SMARCA2: variants seen among roughly 807,000 people sequenced by gnomAD.
SMARCA2 encodes SWI/SNF-related matrix-associated actin-dependent regulator of chromatin subfamily A member 2.
A neutral mutation model predicts 199.8 loss-of-function variants in SMARCA2; 61 were observed. The ratio of observed to expected loss-of-function variants is 0.31; its 90% CI spans 0.25 to 0.38. The LOEUF (loss-of-function observed/expected upper bound fraction) is 0.38, where lower values mean the gene tolerates loss of function less well. Ranked by LOEUF, SMARCA2 falls within the 10% of genes least tolerant of loss-of-function variation. The probability of loss-of-function intolerance (pLI) is 1.00; values close to 1 mark genes in which losing one functional copy is unlikely to be tolerated. For synonymous variants in SMARCA2, 935 were observed against 732.0 expected (o/e 1.28, Z -4.48); for missense variants, 1,344 against 2,012.2 (o/e 0.67, Z 6.35).
chr9:2,074,903 G>T (rs1047419078), intron 12 of SMARCA2, among the ~76,000 whole-genome samples: 3 of 152,188 alleles, frequency 2.0e-5, no homozygotes, highest in Non-Finnish European at 4.4e-5. Flanking sequence ...CTTTTTGGGG[G>T]ATGCTATTTG....
chr9:2,035,364 C>T (rs537568914), intron 3 of SMARCA2, among the ~76,000 whole-genome samples: 1 of 152,114 alleles, frequency 6.6e-6, no homozygotes, highest in South Asian at 2.1e-4. Context: ...TTTTTAATAC[C>T]TGGGAGGTAT....
Position 2,056,927 on chromosome 9 carries a change from A to T in SMARCA2, c.1347+82A>T. On this transcript the variant is annotated intron_variant, in intron 7 of 33. Transcript: ENST00000349721. The surrounding 1 kb of genome is among the most constrained non-coding windows in gnomAD (Gnocchi z 4.0). ...CATCAAATGGGGTCAGAATGACTGAAAAATGGACCCTTGTGGGTGGTGGGG... is the reference window on the plus strand; with the variant it reads ...CATCAAATGGGGTCAGAATGACTGATAAATGGACCCTTGTGGGTGGTGGGG... 2 of 1,297,656 alleles carry T rather than the reference A, an allele frequency of 1.5e-6. No homozygotes were observed. Among genetic ancestry groups the T allele is most frequent in the Non-Finnish European group, 2.1e-6 (2 of 933,384 alleles). The allele number at this position is 1,297,656 out of a possible 1,614,324, so 80.4% of individuals were successfully genotyped here. A position where few individuals can be genotyped will look rare whatever the true frequency, so the allele number is the denominator to read the frequency against.
At chr9:2,084,313 T>C in intron 17 of SMARCA2, 117 bp downstream of exon 17, 1 of 616,146 alleles carries the variant, frequency 1.6e-6, no homozygotes. Flanking sequence ...TTCTTTATTT[T>C]TCTAAAATTT....
chr9:2,095,816 C>T (rs1435555837), intron 19 of SMARCA2, among the ~76,000 whole-genome samples: 3 of 152,194 alleles, frequency 2.0e-5, no homozygotes, highest in Non-Finnish European at 4.4e-5. Flanking sequence ...TCACATTCTG[C>T]ATATTTCTAG....
At chr9:2,018,947 C>G (rs1255399417) in intron 1 of SMARCA2, among the ~76,000 whole-genome samples, 2 of 152,212 alleles carry the variant, frequency 1.3e-5, no homozygotes, top group African/African-American at 4.8e-5. Context: ...GATTTGAATC[C>G]TAGTTGCTGC....
intron 1 of SMARCA2, among the ~76,000 whole-genome samples, chr9:2,024,828 C>G (rs939473780): frequency 1.3e-5 from 2 of 152,176 alleles, no homozygotes; most frequent in Non-Finnish European, 2.9e-5. Context: ...CCATGTTTTC[C>G]CCTTCTGCCT....
chr9:2,159,448 C>T (rs1418650191), intron 27 of SMARCA2: 2 of 209,108 alleles, frequency 9.6e-6, no homozygotes, highest in Non-Finnish European at 9.6e-6. Flanking sequence ...AACCATGCTG[C>T]TATTTTTTAA....
chr9:2,026,770 G>T (rs543284383), intron 1 of SMARCA2, among the ~76,000 whole-genome samples: 1 of 152,326 alleles, frequency 6.6e-6, no homozygotes, highest in South Asian at 2.1e-4. Context: ...ATTGTATCTT[G>T]TAGTAGCCCT....
At chr9:2,033,713 C>G (rs894880250) in intron 3 of SMARCA2, among the ~76,000 whole-genome samples, 2 of 152,254 alleles carry the variant, frequency 1.3e-5, no homozygotes, top group African/African-American at 2.4e-5. Flanking sequence ...CATGCTCTCT[C>G]TGAAGGCTTT....
At chr9:2,131,552 T>G (rs936928062) in intron 27 of SMARCA2, among the ~76,000 whole-genome samples, 1 of 152,204 alleles carries the variant, frequency 6.6e-6, no homozygotes, top group African/African-American at 2.4e-5. Flanking sequence ...CTCCTTTTCC[T>G]TGACCAGTCT....
intron 29 of SMARCA2, among the ~76,000 whole-genome samples, chr9:2,172,608 G>A (rs566071913): frequency 2.0e-5 from 3 of 152,126 alleles, no homozygotes; most frequent in Non-Finnish European, 4.4e-5. Context: ...AACAGATCCC[G>A]GAGGGCCTTG....
At chr9:2,078,653 T>C (rs1821430735) in intron 14 of SMARCA2, among the ~76,000 whole-genome samples, 1 of 151,640 alleles carries the variant, frequency 6.6e-6, no homozygotes, top group African/African-American at 2.4e-5. Flanking sequence ...CCTTAAAAAT[T>C]AAAAAAGGAG....
intron 21 of SMARCA2, among the ~76,000 whole-genome samples, chr9:2,101,037 G>A (rs769358726): frequency 3.3e-5 from 5 of 152,038 alleles, no homozygotes; most frequent in Non-Finnish European, 7.4e-5. Flanking sequence ...CCATGAGAAC[G>A]GCATGAGGGA....
At chr9:2,118,125 A>G (rs1055406047) in intron 25 of SMARCA2, among the ~76,000 whole-genome samples, 2 of 152,284 alleles carry the variant, frequency 1.3e-5, no homozygotes, top group South Asian at 2.1e-4. Flanking sequence ...ATGAGAGGGT[A>G]ATGTGTGGTT....
At chr9:2,177,862 T>G (rs1307587924) in intron 29 of SMARCA2, among the ~76,000 whole-genome samples, 1 of 152,222 alleles carries the variant, frequency 6.6e-6, no homozygotes, top group Non-Finnish European at 1.5e-5. Context: ...AGAGGTAGAT[T>G]TCTTAACTAG....
chr9:2,096,820 GTGACAT>G, intron 20 of SMARCA2, 56 bp downstream of exon 20: 1 of 1,030,458 alleles, frequency 9.7e-7, no homozygotes, highest in Non-Finnish European at 1.5e-6. Context: ...TCTCATGGCT[GTGACAT>G]TGAATATTCA....
chr9:2,078,185 C>T (rs369803296), intron 14 of SMARCA2, among the ~76,000 whole-genome samples: 1 of 152,116 alleles, frequency 6.6e-6, no homozygotes, highest in Admixed American at 6.5e-5. Context: ...TCTTAAGACA[C>T]AATAGGCCAG....
intron 32 of SMARCA2, among the ~76,000 whole-genome samples, chr9:2,189,787 C>G (rs772274711): frequency 2.6e-5 from 4 of 152,136 alleles, no homozygotes; most frequent in African/African-American, 4.8e-5. Flanking sequence ...AATGCTACCA[C>G]CACACTTGAG....
chr9:2,088,827 G>A (rs943710354), intron 19 of SMARCA2, among the ~76,000 whole-genome samples: 2 of 150,252 alleles, frequency 1.3e-5, no homozygotes, highest in African/African-American at 4.9e-5. Context: ...CGTTCGAGCA[G>A]ATTTTATGAA....
Sources: allele counts gnomAD v4.1 joint callset (sites outside exome capture counted in the v4.1 genomes callset), GRCh38; gene constraint gnomAD v4.1.1; non-coding constraint Gnocchi (gnomAD v3.1); transcripts MANE v1.5; gene names NCBI Gene and HGNC (gene_info 2026-07-23, HGNC 2026-07-21).